Variants in OTOGL observed in about 807,000 individuals in gnomAD.
OTOGL encodes the protein otogelin like, also known as otogelin-like protein.
A neutral mutation model predicts 318.5 loss-of-function variants in OTOGL; 285 were observed. The ratio of observed to expected loss-of-function variants is 0.89; its 90% confidence interval spans 0.81 to 0.99. The LOEUF (loss-of-function observed/expected upper bound fraction) is 0.99. Among genes scored for constraint, OTOGL ranks in the 50% least tolerant of loss-of-function variants. The pLI, the probability that OTOGL is intolerant of heterozygous loss-of-function variation, is 0.00. For missense variants in OTOGL, 2,899 were observed against 2,845.6 expected, an observed-to-expected ratio of 1.02 and a Z score of -0.43; for synonymous variants, 987 against 936.5, an observed-to-expected ratio of 1.05 and a Z score of -0.99.
intron 26 of OTOGL, among the ~76,000 whole-genome samples, chr12:80,284,678 T>C (rs1386641229): frequency 6.6e-6 from 1 of 152,240 alleles, no homozygotes; most frequent in Non-Finnish European, 1.5e-5. Flanking sequence ...AAATGTCTTC[T>C]TTTGAGAAGT....
At chr12:80,214,996 C>G (rs59294372) in intron 4 of OTOGL, among the ~76,000 whole-genome samples, 2,983 of 152,030 alleles carry the variant, frequency 0.02, 106 homozygotes, top group African/African-American at 0.068. Flanking sequence ...TTGTTGTAGC[C>G]AGAGAGGTGG....
chr12:80,345,792 G>A (rs537822651), intron 44 of OTOGL, among the ~76,000 whole-genome samples: 3 of 152,142 alleles, frequency 2.0e-5, no homozygotes, highest in Admixed American at 2.0e-4. Flanking sequence ...AGTACTCAAA[G>A]CCTCTAGATG....
chr12:80,240,888 G>A (rs934598999), intron 11 of OTOGL, among the ~76,000 whole-genome samples: 6 of 151,918 alleles, frequency 3.9e-5, no homozygotes, highest in African/African-American at 1.2e-4. Context: ...CATAATTAAA[G>A]TTTTTTAAAA....
chr12:80,239,319 C>CT lies in OTOGL; in HGVS notation c.946-7dup. 12 of 1,566,226 alleles carry CT rather than the reference C, an allele frequency of 7.7e-6. No homozygotes were observed. Among genetic ancestry groups the CT allele is most frequent in the South Asian group, 2.3e-5 (2 of 87,010 alleles). Reference sequence around the variant, plus strand: ...TGAAACATAGTCTAGTGACTGCCATCTTTTTTTGCACAGGCAATCTTCTTC... The same window carrying CT: ...TGAAACATAGTCTAGTGACTGCCATCTTTTTTTTGCACAGGCAATCTTCTTC... On this transcript the variant is annotated splice_polypyrimidine_tract_variant and intron_variant, in intron 10 of 58. Transcript: ENST00000547103.
At chr12:80,291,295 C>A (rs1180171877) in intron 26 of OTOGL, among the ~76,000 whole-genome samples, 1 of 152,178 alleles carries the variant, frequency 6.6e-6, no homozygotes, top group Admixed American at 6.5e-5. Context: ...CATAACAGGA[C>A]CAATGTACTT....
intron 27 of OTOGL, among the ~76,000 whole-genome samples, chr12:80,298,371 C>T (rs906361463): frequency 6.6e-6 from 1 of 152,152 alleles, no homozygotes; most frequent in Non-Finnish European, 1.5e-5. Flanking sequence ...TACCTGCTTG[C>T]TCTGTAACTT....
At chr12:80,248,765 A>G (rs888823156) in intron 11 of OTOGL, among the ~76,000 whole-genome samples, 6 of 150,064 alleles carry the variant, frequency 4.0e-5, no homozygotes, top group African/African-American at 1.5e-4. Context: ...AGTGTTTTCC[A>G]ACTTGGTTCC....
intron 29 of OTOGL, among the ~76,000 whole-genome samples, chr12:80,307,537 G>A (rs1406005244): frequency 6.2e-5 from 8 of 128,164 alleles, no homozygotes; most frequent in Non-Finnish European, 1.2e-4. Flanking sequence ...CCTCACCTCC[G>A]GGACGGGGCA....
chr12:80,105,292 T>C (rs1441838515), intron 1 of OTOGL, among the ~76,000 whole-genome samples: 3 of 152,178 alleles, frequency 2.0e-5, no homozygotes. Flanking sequence ...AATTCAGTCA[T>C]CACTCAATTA....
rs566668388 is a variant in OTOGL, at chr12:80,321,316, T to C, written c.4081+616T>C. On this transcript the variant is annotated intron_variant, in intron 34 of 58. Coordinates refer to ENST00000547103, the MANE Select transcript of OTOGL (RefSeq NM_001378609.3). ...TCAAAATCCAGAAGCTTGATATCTA[T>C]CTTGAGTCTCCTCAAGAAATCGTTT... is the stretch of plus-strand genomic sequence containing the variant. Among the ~76,000 whole-genome samples the C allele has an allele frequency of 1.2e-4, 18 of 152,316 alleles. No homozygotes were observed. In the East Asian group the frequency reaches 3.5e-3, roughly 29 times the overall value.
At chr12:80,249,700 G>A (rs997874680) in intron 11 of OTOGL, among the ~76,000 whole-genome samples, 2 of 152,064 alleles carry the variant, frequency 1.3e-5, no homozygotes, top group African/African-American at 2.4e-5. Flanking sequence ...CACCCAGTTC[G>A]AGCTTCCCGG....
intron 46 of OTOGL, among the ~76,000 whole-genome samples, chr12:80,354,353 C>A (rs1361311569): frequency 1.3e-5 from 2 of 152,166 alleles, no homozygotes. Context: ...AACTTCCCAG[C>A]CAGCAGAAGT....
intron 1 of OTOGL, among the ~76,000 whole-genome samples, chr12:80,138,481 ATG>A (rs1565874357): frequency 6.6e-6 from 1 of 152,188 alleles, no homozygotes; most frequent in Non-Finnish European, 1.5e-5. Context: ...TTAGTAAATG[ATG>A]ATGAGAACAT....
intron 1 of OTOGL, among the ~76,000 whole-genome samples, chr12:80,204,468 C>A (rs559972981): frequency 8.5e-5 from 13 of 152,222 alleles, no homozygotes; most frequent in African/African-American, 3.1e-4. Flanking sequence ...GTATAGCACG[C>A]TTTCTTTACA....
At chr12:80,144,582 G>A (rs1872203224) in intron 1 of OTOGL, among the ~76,000 whole-genome samples, 1 of 151,566 alleles carries the variant, frequency 6.6e-6, no homozygotes, top group African/African-American at 2.4e-5. Flanking sequence ...GTAATGGGAT[G>A]GCTGGGTCAA....
chr12:80,374,726 A>G (rs1362600982), intron 57 of OTOGL, among the ~76,000 whole-genome samples: 1 of 152,064 alleles, frequency 6.6e-6, no homozygotes, highest in Non-Finnish European at 1.5e-5. Flanking sequence ...TGGCAATGTT[A>G]AGGCCCTGGC....
intron 28 of OTOGL, among the ~76,000 whole-genome samples, chr12:80,305,094 G>A (rs1886018032): frequency 1.3e-5 from 2 of 152,084 alleles, no homozygotes; most frequent in African/African-American, 4.8e-5. Context: ...CTAACAGGCA[G>A]GCAATATGAT....
intron 32 of OTOGL, among the ~76,000 whole-genome samples, chr12:80,316,626 C>T (rs2137815502): frequency 6.6e-6 from 1 of 152,184 alleles, no homozygotes; most frequent in South Asian, 2.1e-4. Flanking sequence ...TGTTTGGCTC[C>T]ATGGAGTGGC....
chr12:80,365,003 A>C lies in OTOGL; in HGVS notation c.6268-1571A>C, dbSNP rs78799349. On this transcript the variant is annotated intron_variant, in intron 52 of 58. Transcript: ENST00000547103. ...TTAACTCACTAAAAAGACAAAAAAT[A>C]ACACATTTACAAGGCTGTGGAGAAA... Among the ~76,000 whole-genome samples, 63 of 152,230 alleles carry C rather than the reference A, an allele frequency of 4.1e-4. No homozygotes were observed. In the East Asian group the frequency reaches 0.01, roughly 25 times the overall value.
Sources: gnomAD v4.1 joint callset for allele counts (sites outside exome capture counted in the v4.1 genomes callset) on GRCh38, gnomAD v4.1.1 for gene constraint, MANE v1.5 for transcripts, NCBI Gene and HGNC (gene_info 2026-07-23, HGNC 2026-07-21) for gene names.